CELSR2: variants seen among roughly 807,000 people sequenced by gnomAD.
The protein encoded by CELSR2 is cadherin EGF LAG seven-pass G-type receptor 2.
Under a neutral mutation model 251.6 loss-of-function variants are expected in CELSR2, and 81 were observed. The ratio of observed to expected loss-of-function variants is 0.32; its 90% CI spans 0.27 to 0.39. CELSR2 has a LOEUF of 0.39. Ranked by LOEUF, CELSR2 falls within the 10% of genes least tolerant of loss-of-function variation. The pLI is 1.00. For synonymous variants in CELSR2, 1,721 were observed against 1,670.5 expected (o/e 1.03, Z -0.74); for missense variants, 3,365 against 3,947.7 (o/e 0.85, Z 3.96).
Position 109,258,607 on chromosome 1 carries a change from C to T in CELSR2, c.3486C>T (p.Asp1162=). 1.3e-6 allele frequency: 2 copies of T among 1,584,950 alleles called. No homozygotes were observed. Among genetic ancestry groups the T allele is most frequent in the Admixed American group, 1.8e-5 (1 of 55,654 alleles). ...AVAATLATPP[D]HVVVFNVQRD... ...CCGCCACGCTGGCCACGCCACCGGACCACGTGGTGGTCTTCAACGTACAGC... is the reference window on the plus strand; with the variant it reads ...CCGCCACGCTGGCCACGCCACCGGATCACGTGGTGGTCTTCAACGTACAGC... Residue 1162 remains aspartate, a synonymous_variant, in exon 2 of 34, where the codon GAC becomes GAT. Coordinates refer to ENST00000271332, the MANE Select transcript of CELSR2 (RefSeq NM_001408.3).
intron 2 of CELSR2, among the ~76,000 whole-genome samples, chr1:109,260,460 C>A (rs1272623693): frequency 6.6e-6 from 1 of 152,124 alleles, no homozygotes; most frequent in African/African-American, 2.4e-5. Context: ...CCTGGGGGCT[C>A]CCCAGCTTCT....
chr1:109,264,481 G>A lies in CELSR2; in HGVS notation c.5317G>A (p.Gly1773Arg), dbSNP rs1656134182. 1 of 1,613,832 alleles carries A rather than the reference G, an allele frequency of 6.2e-7. No individual in the cohort carries two copies. Among genetic ancestry groups the A allele is most frequent in the East Asian group, 2.2e-5 (1 of 44,866 alleles). ...TGTGCGGGTGAGCGATACGCCGGAG[G>A]GGGTTAACAGCCTGGATCCCAGCCA... The part of the protein sequence containing the change: ...QGVRVSDTPE[G>R]VNSLDPSHGE... Residue 1773 changes from glycine to arginine, a missense_variant, in exon 11 of 34, where the codon GGG (glycine) becomes AGG (arginine). By Grantham distance (125) the Gly-to-Arg change is moderately radical. Transcript: ENST00000271332.
At position 109,258,649 on chromosome 1, in the gene CELSR2, C is replaced by CG; in HGVS notation, c.3533dup (p.His1179ProfsTer25). ...ACGTACAGCGGGACACCGACGCCCCCGGGGGCCACATCCTCAACGTGAGCC... is the reference window on the plus strand; with the variant it reads ...ACGTACAGCGGGACACCGACGCCCCCGGGGGGCCACATCCTCAACGTGAGCC... On this transcript the variant is annotated frameshift_variant, in exon 2 of 34. Transcript: ENST00000271332. LOFTEE classifies it high-confidence loss of function. The CG allele has an allele frequency of 6.5e-7, 1 of 1,550,386 alleles. No homozygotes were observed.
At chr1:109,260,190 G>A (rs1436666139) in intron 2 of CELSR2, among the ~76,000 whole-genome samples, 1 of 144,642 alleles carries the variant, frequency 6.9e-6, no homozygotes, top group Non-Finnish European at 1.5e-5. Context: ...TGGGAGGGGG[G>A]GGGTTAGAGC....
At position 109,261,477 on chromosome 1, in the gene CELSR2, C is replaced by T. The variant is rs531304750; in HGVS notation, c.4182-36C>T. 3 of 1,586,020 alleles carry T rather than the reference C, an allele frequency of 1.9e-6. No individual in the cohort carries two copies. Among genetic ancestry groups the T allele is most frequent in the East Asian group, 2.2e-5 (1 of 44,754 alleles). On this transcript the variant is annotated intron_variant, in intron 3 of 33. Transcript: ENST00000271332. The surrounding 1 kb of genome is among the most constrained non-coding windows in gnomAD (Gnocchi z 4.8). ...GGGGGTGCTGGCATCCAGGTGGGTA[C>T]CCCATTCCCTGCCCCCATCCCCAAC...
intron 1 of CELSR2, among the ~76,000 whole-genome samples, chr1:109,256,207 TA>T (rs1557728833): frequency 6.6e-6 from 1 of 152,080 alleles, no homozygotes; most frequent in East Asian, 1.9e-4. Flanking sequence ...CCTGATGACA[TA>T]AATCTGGGCA....
chr1:109,266,218 A>G lies in CELSR2; in HGVS notation c.6013+12A>G. 6.2e-7 allele frequency: 1 copy of G among 1,613,694 alleles called. No individual in the cohort carries two copies. The highest frequency in any genetic ancestry group is 8.5e-7 in the Non-Finnish European group (1 of 1,179,882). On this transcript the variant is annotated intron_variant, in intron 15 of 33. Transcript: ENST00000271332. ...CAAAGGCTCCTTTGGTAGGTGTTGG[A>G]GGCCCCGATGTGATGTCGAGGACAT...
Position 109,273,915 on chromosome 1 carries a change from G to C in CELSR2, c.8745-107G>C, listed in dbSNP as rs1212473056. 8 of 1,437,156 alleles carry C rather than the reference G, an allele frequency of 5.6e-6. No homozygotes were observed. The South Asian group carries it at 9.1e-5, about 16-fold the overall frequency. The allele number at this position is 1,437,156 out of a possible 1,614,324, so 89.0% of individuals were successfully genotyped here. On this transcript the variant is annotated intron_variant, in intron 33 of 33. Transcript: ENST00000271332. ...CAGAGTGCGGGAGGATGGGGAGCTG[G>C]GGGTGCTTTCCTGTTTCCTTCGTCT... is the stretch of plus-strand genomic sequence containing the variant.
Position 109,258,912 on chromosome 1 carries a change from G to T in CELSR2, c.3791G>T (p.Arg1264Leu). Residue 1264 changes from arginine to leucine, a missense_variant, in exon 2 of 34, where the codon CGG (arginine) becomes CTG (leucine). Around this residue, in one of 5 missense-constraint regions of CELSR2, gnomAD observed 2,093 missense variants for 2,382.8 expected, o/e 0.88. Transcript: ENST00000271332. Reference sequence around the variant, plus strand: ...ATCGCCTCCTCCTCCGTGCTCTTCCGGCCCATCCACCCCGTCGGAGGGCTG... The same window carrying T: ...ATCGCCTCCTCCTCCGTGCTCTTCCTGCCCATCCACCCCGTCGGAGGGCTG... ...PFIASSSVLFRPIHPVGGLRC... is the reference protein window; with the variant it reads ...PFIASSSVLFLPIHPVGGLRC... 1 of 1,612,336 alleles carries T rather than the reference G, an allele frequency of 6.2e-7. No individual in the cohort carries two copies. The highest frequency in any genetic ancestry group is 1.7e-5 in the Admixed American group (1 of 59,922).
rs572525434 is a variant in CELSR2 at position 109,252,621 on chromosome 1, G to A, written c.2542G>A (p.Gly848Ser). The change falls in exon 1 of 34, where the codon GGC (glycine) becomes AGC (serine). Residue 848 changes from glycine (G) to serine (S), a missense_variant. Physicochemically the swap from Gly to Ser is moderately conservative, Grantham distance 56. Coordinates refer to ENST00000271332, the MANE Select transcript of CELSR2 (RefSeq NM_001408.3). The surrounding 1 kb of genome is among the most constrained non-coding windows in gnomAD (Gnocchi z 4.8). Reference sequence around the variant, plus strand: ...CACTGATCGTGATTCTGGACTTAATGGCAGGGTCTTCTACACCTTCCAAGG... The same window carrying A: ...CACTGATCGTGATTCTGGACTTAATAGCAGGGTCTTCTACACCTTCCAAGG... ...SATDRDSGLNGRVFYTFQGGD... is the reference protein window; with the variant it reads ...SATDRDSGLNSRVFYTFQGGD... The A allele has an allele frequency of 1.2e-6, 2 of 1,613,886 alleles. No homozygotes were observed. Among genetic ancestry groups the A allele is most frequent in the Admixed American group, 3.3e-5 (2 of 60,028 alleles).
chr1:109,271,327 G>T (rs1415261340), intron 26 of CELSR2, 31 bp downstream of exon 26: 4 of 1,613,786 alleles, frequency 2.5e-6, no homozygotes, highest in Admixed American at 1.7e-5. Context: ...CCTGGGCCAT[G>T]GGCAGGCACC....
intron 15 of CELSR2, chr1:109,266,559 A>ATTTTTTTTTTTTTTTTTTTTTTTTTTT (rs35994599): frequency 2.4e-5 from 2 of 83,690 alleles, no homozygotes; most frequent in Non-Finnish European, 2.1e-5. Flanking sequence ...CACCTGGCTA[A>ATTTTTTTTTTTTTTTTTTTTTTTTTTT]TTTTTTTTTT....
rs1299225348 is a variant in CELSR2 at position 109,251,195 on chromosome 1, G to A, written c.1116G>A (p.Gln372=). 1 of 1,613,806 alleles carries A rather than the reference G, an allele frequency of 6.2e-7. No homozygotes were observed. The highest frequency in any genetic ancestry group is 1.1e-5 in the South Asian group (1 of 91,086). Residue 372 remains glutamine (Q), a synonymous_variant, in exon 1 of 34, where the codon CAG becomes CAA. Transcript: ENST00000271332. The surrounding 1 kb of genome is among the most constrained non-coding windows in gnomAD (Gnocchi z 4.9). ...SYQLTVEASD[Q]GRDPGPRSTT... ...AGCTGACGGTAGAGGCAAGTGACCAGGGTCGGGACCCGGGTCCTCGGAGTA... is the reference window on the plus strand; with the variant it reads ...AGCTGACGGTAGAGGCAAGTGACCAAGGTCGGGACCCGGGTCCTCGGAGTA...
At chr1:109,256,220 G>T (rs972203878) in intron 1 of CELSR2, among the ~76,000 whole-genome samples, 2 of 152,180 alleles carry the variant, frequency 1.3e-5, no homozygotes, top group African/African-American at 4.8e-5. Context: ...ATCTGGGCAG[G>T]CTTCCTGGAG....
rs754023376 is a variant in CELSR2, at chr1:109,268,964, C to T, written c.6587C>T (p.Pro2196Leu). The change falls in exon 19 of 34, where the codon CCG becomes CTG. Residue 2196 changes from proline to leucine, a missense_variant. By Grantham distance (98) the Pro-to-Leu change is moderately conservative. Around this residue, in one of 5 missense-constraint regions of CELSR2, gnomAD observed 2,093 missense variants for 2,382.8 expected, o/e 0.88. Coordinates refer to ENST00000271332, the MANE Select transcript of CELSR2 (RefSeq NM_001408.3). Reference sequence around the variant, plus strand: ...GAGGCCCTGCGTGGGGAGCAGCCCCCGGACCTTGAGACAACAGTCATTCTG... The same window carrying T: ...GAGGCCCTGCGTGGGGAGCAGCCCCTGGACCTTGAGACAACAGTCATTCTG... The part of the protein sequence containing the change: ...RYEALRGEQP[P>L]DLETTVILPE... 1.6e-5 allele frequency: 26 copies of T among 1,613,420 alleles called. No individual in the cohort carries two copies. Among genetic ancestry groups the T allele is most frequent in the Admixed American group, 6.7e-5 (4 of 59,978 alleles).
rs767192744 is a variant in CELSR2, at chr1:109,250,239, A to C, written c.160A>C (p.Met54Leu). 2 of 1,608,508 alleles carry C rather than the reference A, an allele frequency of 1.2e-6. No homozygotes were observed. Among genetic ancestry groups the C allele is most frequent in the South Asian group, 1.1e-5 (1 of 90,792 alleles). Reference protein sequence around the residue: ...GRGSSGACAPMGWLCPSSASN... With the variant: ...GRGSSGACAPLGWLCPSSASN... ...AGGCTCTTCGGGGGCCTGCGCCCCC[A>C]TGGGCTGGCTCTGTCCATCCTCAGC... is the stretch of plus-strand genomic sequence containing the variant. The change falls in exon 1 of 34, where the codon ATG becomes CTG. Residue 54 changes from methionine (M) to leucine (L), a missense_variant. Around this residue, in one of 5 missense-constraint regions of CELSR2, gnomAD observed 704 missense variants for 784.1 expected, o/e 0.90. Coordinates refer to ENST00000271332, the MANE Select transcript of CELSR2 (RefSeq NM_001408.3). This position sits in a 1 kb window ranked among gnomAD's most constrained non-coding sequence, Gnocchi z 4.4.
chr1:109,269,611 GC>G lies in CELSR2; in HGVS notation c.6980+25del. On this transcript the variant is annotated intron_variant, in intron 21 of 33. Coordinates refer to ENST00000271332, the MANE Select transcript of CELSR2 (RefSeq NM_001408.3). The surrounding 1 kb of genome is among the most constrained non-coding windows in gnomAD (Gnocchi z 6.4). ...AATCCTGTGAGCCTGCACTGCCCTC[GC>G]CCCCTCAGGCTTCGGGCTGAAAGTC... is the stretch of plus-strand genomic sequence containing the variant. The G allele has an allele frequency of 6.2e-7, 1 of 1,613,380 alleles. No individual in the cohort carries two copies. The highest frequency in any genetic ancestry group is 8.5e-7 in the Non-Finnish European group (1 of 1,179,474).
intron 13 of CELSR2, 119 bp from the exon 14 acceptor site, chr1:109,265,616 C>A: frequency 8.1e-7 from 1 of 1,228,936 alleles, no homozygotes; most frequent in Non-Finnish European, 1.1e-6. Context: ...ATTTTGAATA[C>A]TGCTCCTGAG....
At position 109,269,790 on chromosome 1, in the gene CELSR2, C is replaced by A; in HGVS notation, c.7077C>A (p.Phe2359Leu). The change falls in exon 22 of 34, where the codon TTC becomes TTA. Residue 2359 changes from phenylalanine (F) to leucine (L), a missense_variant. Transcript: ENST00000271332. This position sits in a 1 kb window ranked among gnomAD's most constrained non-coding sequence, Gnocchi z 6.4. ...GCCAGTGCAACCACATGACGAGCTT[C>A]GCTGTGCTCATGGACGTTTCTCGGC... ...VSCQCNHMTS[F>L]AVLMDVSRRE... 2 of 1,613,538 alleles carry A rather than the reference C, an allele frequency of 1.2e-6. No homozygotes were observed. Among genetic ancestry groups the A allele is most frequent in the East Asian group, 2.2e-5 (1 of 44,852 alleles).
Sources: gnomAD v4.1 joint callset for allele counts (sites outside exome capture counted in the v4.1 genomes callset) on GRCh38, gnomAD v4.1.1 for gene constraint, gnomAD v4.1.1 regional missense constraint, Gnocchi (gnomAD v3.1) non-coding constraint, MANE v1.5 for transcripts, NCBI Gene and HGNC (gene_info 2026-07-23, HGNC 2026-07-21) for gene names.